Variants in BLTP3A observed in about 807,000 individuals in gnomAD.
BLTP3A encodes the protein bridge-like lipid transfer protein family member 3A, also known as ICBP90 binding protein 1.
At chr6:34,864,015 A>G in the BLTP3A span, 1 of 1,609,018 alleles carries the variant, frequency 6.2e-7, no homozygotes, top group Admixed American at 1.7e-5. Context: ...GCCCATGGCC[A>G]AGACAGATGA....
chr6:34,825,268 A>G, the BLTP3A span, among the ~76,000 whole-genome samples: 1 of 150,762 alleles, frequency 6.6e-6, no homozygotes, highest in African/African-American at 2.4e-5. Context: ...AATACTTCCA[A>G]GGGGGTGAAA....
chr6:34,801,589 T>C, the BLTP3A span, among the ~76,000 whole-genome samples: 4 of 152,300 alleles, frequency 2.6e-5, no homozygotes, highest in Middle Eastern at 0.01. Flanking sequence ...TTGTCCCTTG[T>C]CCTTTTTGAC....
the BLTP3A span, chr6:34,792,139 G>GGCGGCGGCGGCGGCT: frequency 1.0e-6 from 1 of 959,678 alleles, no homozygotes. Flanking sequence ...CGGCGGCGGC[G>GGCGGCGGCGGCGGCT]GCTGTGTCCG....
chr6:34,849,538 G>T, the BLTP3A span, among the ~76,000 whole-genome samples: 8 of 152,172 alleles, frequency 5.3e-5, no homozygotes, highest in African/African-American at 1.9e-4. Flanking sequence ...GTCTTGAAAA[G>T]TTATTGTAGT....
At chr6:34,815,260 T>C in the BLTP3A span, among the ~76,000 whole-genome samples, 1 of 152,124 alleles carries the variant, frequency 6.6e-6, no homozygotes, top group East Asian at 1.9e-4. Flanking sequence ...TGTTTGTTTG[T>C]TTGTTTTGAG....
At chr6:34,850,479 C>A in the BLTP3A span, among the ~76,000 whole-genome samples, 1 of 152,168 alleles carries the variant, frequency 6.6e-6, no homozygotes, top group Non-Finnish European at 1.5e-5. Flanking sequence ...CTCCTTAAGG[C>A]CAATAATTCT....
At chr6:34,802,104 C>G in the BLTP3A span, among the ~76,000 whole-genome samples, 1 of 152,090 alleles carries the variant, frequency 6.6e-6, no homozygotes, top group Admixed American at 6.6e-5. Flanking sequence ...TTGAACTTTA[C>G]CAAGAATTTG....
the BLTP3A span, chr6:34,867,766 G>A: frequency 5.5e-6 from 6 of 1,090,790 alleles, no homozygotes; most frequent in African/African-American, 1.8e-5. Flanking sequence ...AAACTCCATT[G>A]AAGCCTTTTT....
the BLTP3A span, among the ~76,000 whole-genome samples, chr6:34,843,034 A>C: frequency 6.6e-6 from 1 of 152,008 alleles, no homozygotes; most frequent in African/African-American, 2.4e-5. Context: ...CCCAGTCTGG[A>C]GTGTCATGGC....
the BLTP3A span, among the ~76,000 whole-genome samples, chr6:34,865,238 G>C: frequency 3.3e-5 from 5 of 152,060 alleles, no homozygotes; most frequent in African/African-American, 1.2e-4. Flanking sequence ...CCTGCTCTCT[G>C]CTTTTATGAG....
the BLTP3A span, among the ~76,000 whole-genome samples, chr6:34,848,007 C>T: frequency 5.3e-4 from 78 of 146,646 alleles, no homozygotes; most frequent in Middle Eastern, 3.6e-3. Context: ...GCATCCTCTG[C>T]CTCCTGGGCT....
the BLTP3A span, among the ~76,000 whole-genome samples, chr6:34,832,351 G>A: frequency 6.6e-6 from 1 of 151,918 alleles, no homozygotes; most frequent in Non-Finnish European, 1.5e-5. Flanking sequence ...AAACTCCTAG[G>A]CTCAAGTGAT....
chr6:34,808,666 C>T, the BLTP3A span, among the ~76,000 whole-genome samples: 1 of 152,084 alleles, frequency 6.6e-6, no homozygotes, highest in Non-Finnish European at 1.5e-5. Flanking sequence ...TCACTGCAGC[C>T]TCAACCCCCT....
At chr6:34,798,140 A>G in the BLTP3A span, among the ~76,000 whole-genome samples, 3 of 152,240 alleles carry the variant, frequency 2.0e-5, no homozygotes, top group Admixed American at 2.0e-4. Flanking sequence ...TGTATTTTAT[A>G]TAAATTGAAT....
chr6:34,792,233 G>A, the BLTP3A span: 1 of 1,533,690 alleles, frequency 6.5e-7, no homozygotes, highest in South Asian at 1.2e-5. Flanking sequence ...CGCCTTCCAC[G>A]CGGGCCGCGG....
chr6:34,797,524 A>C, the BLTP3A span, among the ~76,000 whole-genome samples: 1 of 152,188 alleles, frequency 6.6e-6, no homozygotes, highest in Non-Finnish European at 1.5e-5. Flanking sequence ...TTACTTTTCC[A>C]AGGTCACTTA....
At chr6:34,863,114 C>G in the BLTP3A span, among the ~76,000 whole-genome samples, 1 of 151,954 alleles carries the variant, frequency 6.6e-6, no homozygotes. Flanking sequence ...GCCATGTTGC[C>G]CAGGCTGGTC....
the BLTP3A span, among the ~76,000 whole-genome samples, chr6:34,808,393 AAGC>A: frequency 3.8e-3 from 567 of 150,638 alleles, 2 homozygotes; most frequent in Admixed American, 7.2e-3. Flanking sequence ...GTGAAATTAA[AAGC>A]AGGGCAAACA....
At chr6:34,821,592 T>C in the BLTP3A span, 2 of 1,476,318 alleles carry the variant, frequency 1.4e-6, no homozygotes, top group Admixed American at 4.4e-5. Flanking sequence ...GTGTTTTGGC[T>C]GTAATACCCA....
Sources: gnomAD v4.1 joint callset for allele counts (sites outside exome capture counted in the v4.1 genomes callset) on GRCh38, gnomAD v4.1.1 for gene constraint, MANE v1.5 for transcripts, NCBI Gene and HGNC (gene_info 2026-07-23, HGNC 2026-07-21) for gene names.